The following GRAMD4 variants were observed in gnomAD, a reference collection of about 807,000 sequenced individuals.
The protein encoded by GRAMD4 is GRAM domain containing 4.
A neutral mutation model predicts 83.9 loss-of-function variants in GRAMD4; 25 were observed. The observed-to-expected ratio is 0.30, with a 90% CI of 0.22 to 0.42. The LOEUF (loss-of-function observed/expected upper bound fraction) is 0.42. Among genes scored for constraint, GRAMD4 ranks in the 10% least tolerant of loss-of-function variants. The pLI is 1.00. For missense variants in GRAMD4, 593 were observed against 788.7 expected (o/e 0.75, Z 2.97); for synonymous variants, 336 against 320.9 (o/e 1.05, Z -0.50).
rs977881162 is a variant in GRAMD4, at chr22:46,676,687, G to T, written c.1632+19G>T. The T allele has an allele frequency of 4.5e-6, 7 of 1,545,678 alleles. No individual in the cohort carries two copies. The highest frequency in any genetic ancestry group is 3.9e-5 in the Admixed American group (2 of 50,984). ...CCAGAAAGTAGGTGCCGGGCGGGGG[G>T]CCGCCAAGGGGTTGGTGTGGGCCCA... is the stretch of plus-strand genomic sequence containing the variant. On this transcript the variant is annotated intron_variant, in intron 18 of 18. Transcript: ENST00000406902.
In GRAMD4 at chr22:46,678,392, A is replaced by AC. The variant is rs533467893; in HGVS notation, c.*1148dup. 2.8e-4 allele frequency: 274 copies of AC among 980,800 alleles called. No homozygotes were observed. Among genetic ancestry groups the AC allele is most frequent in the African/African-American group, 2.5e-3 (143 of 57,100 alleles). 60.8% of individuals were successfully genotyped at this position (980,800 alleles called of 1,614,324 possible). On this transcript the variant is annotated 3_prime_UTR_variant, in exon 19 of 19. Transcript: ENST00000406902. ...CTAGCCGGTGCCGGTCCGGGCACAGACCCCCCCAGCCCCCGCCCTGCCCCA... is the reference window on the plus strand; with the variant it reads ...CTAGCCGGTGCCGGTCCGGGCACAGACCCCCCCCAGCCCCCGCCCTGCCCCA...
chr22:46,591,829 T>C (rs1334036792), intron 1 of GRAMD4, among the ~76,000 whole-genome samples: 2 of 45,782 alleles, frequency 4.4e-5, no homozygotes, highest in Non-Finnish European at 8.0e-5. Flanking sequence ...CGAGACTCTG[T>C]CTCAAAAAAA....
downstream of GRAMD4, among the ~76,000 whole-genome samples, chr22:46,682,032 G>T (rs981640065): frequency 3.9e-5 from 6 of 152,208 alleles, no homozygotes; most frequent in Non-Finnish European, 2.9e-5. Flanking sequence ...TGGGAAAGCC[G>T]CCCAGGGAAA....
chr22:46,682,533 A>G (rs2082675988), downstream of GRAMD4: 1 of 686,410 alleles, frequency 1.5e-6, no homozygotes, highest in Non-Finnish European at 1.8e-6. Flanking sequence ...GACTGCGACG[A>G]GGGCGCCCGC....
At chr22:46,629,605 C>T (rs561555636) in intron 2 of GRAMD4, among the ~76,000 whole-genome samples, 57 of 152,308 alleles carry the variant, frequency 3.7e-4, no homozygotes, top group African/African-American at 9.1e-4. Flanking sequence ...GACCTGGGCT[C>T]AGGCACAGAG....
At chr22:46,675,644 C>T in intron 17 of GRAMD4, 92 bp downstream of exon 17, 1 of 852,056 alleles carries the variant, frequency 1.2e-6, no homozygotes, top group Non-Finnish European at 2.0e-6. Context: ...TTCTGCCAGC[C>T]TCTGTCAGCA....
At chr22:46,598,151 C>A (rs775468767) in intron 1 of GRAMD4, among the ~76,000 whole-genome samples, 75 of 151,814 alleles carry the variant, frequency 4.9e-4, no homozygotes, top group Non-Finnish European at 5.7e-4. Context: ...CCAGCTAATT[C>A]TTTTATTTTT....
intron 1 of GRAMD4, among the ~76,000 whole-genome samples, chr22:46,588,359 A>G (rs989586553): frequency 4.6e-5 from 7 of 152,192 alleles, no homozygotes; most frequent in Non-Finnish European, 8.8e-5. Context: ...CCCTCCAGGC[A>G]GCACCACGCA....
At chr22:46,635,845 C>T (rs894971443) in intron 2 of GRAMD4, among the ~76,000 whole-genome samples, 4 of 146,680 alleles carry the variant, frequency 2.7e-5, no homozygotes, top group African/African-American at 1.0e-4. Context: ...CAGGCACGTT[C>T]TCATTCTGTC....
At chr22:46,664,780 C>T (rs995232522) in intron 8 of GRAMD4, among the ~76,000 whole-genome samples, 3 of 152,238 alleles carry the variant, frequency 2.0e-5, no homozygotes, top group South Asian at 2.1e-4. Context: ...AGAGAGGAGG[C>T]GTCCACAGCC....
intron 1 of GRAMD4, among the ~76,000 whole-genome samples, chr22:46,603,568 G>A (rs1486887071): frequency 8.3e-6 from 1 of 119,802 alleles, no homozygotes; most frequent in Non-Finnish European, 1.7e-5. Context: ...CCAGGCTGGA[G>A]TGCAGTGGCG....
chr22:46,617,372 GTTCCCCTGTGTGTGCAGC>G (rs2081517682), upstream of GRAMD4, among the ~76,000 whole-genome samples: 1 of 150,178 alleles, frequency 6.7e-6, no homozygotes, highest in Non-Finnish European at 1.5e-5. Flanking sequence ...ATGTGTGCGG[GTTCCCCTGTGTGTGCAGC>G]TTCCCCTGTG....
chr22:46,620,624 C>T lies in GRAMD4; in HGVS notation c.-50+59C>T. On this transcript the variant is annotated intron_variant, in intron 1 of 18. Coordinates refer to ENST00000406902, the MANE Select transcript of GRAMD4 (RefSeq NM_015124.5). The surrounding 1 kb of genome is among the most constrained non-coding windows in gnomAD (Gnocchi z 4.7). ...GGTAGGGCCCATCTGAGTGGAAGCC[C>T]CAGCCTTGGGAAAAGCTGCTACTCT... The T allele has an allele frequency of 1.5e-6, 1 of 656,736 alleles. No homozygotes were observed. The highest frequency in any genetic ancestry group is 1.9e-6 in the Non-Finnish European group (1 of 528,564). The allele number at this position is 656,736 out of a possible 1,614,324, so 40.7% of individuals were successfully genotyped here. A position where few individuals can be genotyped will look rare whatever the true frequency, so the allele number is the denominator to read the frequency against.
intron 1 of GRAMD4, among the ~76,000 whole-genome samples, chr22:46,590,019 G>A (rs756847002): frequency 7.9e-5 from 12 of 152,308 alleles, no homozygotes; most frequent in Middle Eastern, 6.8e-3. Context: ...TAACTCCCAC[G>A]GCAGTCTTGC....
At chr22:46,619,203 G>A (rs1283885425), upstream of GRAMD4, among the ~76,000 whole-genome samples, 1 of 152,222 alleles carries the variant, frequency 6.6e-6, no homozygotes, top group African/African-American at 2.4e-5. Context: ...GCACGGGCTG[G>A]AAGGGCAGGA....
chr22:46,672,981 C>A lies in GRAMD4; in HGVS notation c.1223C>A (p.Ala408Asp), dbSNP rs1000774518. The change falls in exon 14 of 19, where the codon GCC (alanine) becomes GAC (aspartate). Residue 408 changes from alanine to aspartate, a missense_variant. By Grantham distance (126) the Ala-to-Asp change is moderately radical (BLOSUM62 -2). Transcript: ENST00000406902. This position sits in a 1 kb window ranked among gnomAD's most constrained non-coding sequence, Gnocchi z 4.7. ...CCGCAGCTCAAGGAGCGCTCCAGCG[C>A]CGCAGTCTCACGCAGGGTGAGCCCG... The part of the protein sequence containing the change: ...TDPQLKERSS[A>D]AVSRRLQTTS... 1 of 1,603,402 alleles carries A rather than the reference C, an allele frequency of 6.2e-7. No homozygotes were observed. The highest frequency in any genetic ancestry group is 8.5e-7 in the Non-Finnish European group (1 of 1,178,026).
In GRAMD4 at chr22:46,620,654, G is replaced by C; in HGVS notation, c.-50+89G>C. ...CTTGGGAAAAGCTGCTACTCTCTGGGGCAGTGGTCCCAGCTACCACGTGCT... is the reference window on the plus strand; with the variant it reads ...CTTGGGAAAAGCTGCTACTCTCTGGCGCAGTGGTCCCAGCTACCACGTGCT... On this transcript the variant is annotated intron_variant, in intron 1 of 18. Coordinates refer to ENST00000406902, the MANE Select transcript of GRAMD4 (RefSeq NM_015124.5). The surrounding 1 kb of genome is among the most constrained non-coding windows in gnomAD (Gnocchi z 4.7). The C allele has an allele frequency of 2.7e-6, 1 of 372,818 alleles. No individual in the cohort carries two copies. The highest frequency in any genetic ancestry group is 3.7e-6 in the Non-Finnish European group (1 of 268,792). The allele number at this position is 372,818 out of a possible 1,614,324, so 23.1% of individuals were successfully genotyped here. A position where few individuals can be genotyped will look rare whatever the true frequency, so the allele number is the denominator to read the frequency against.
intron 5 of GRAMD4, among the ~76,000 whole-genome samples, chr22:46,662,704 C>T (rs561796514): frequency 6.6e-6 from 1 of 152,280 alleles, no homozygotes; most frequent in East Asian, 1.9e-4. Flanking sequence ...GCCGAGCAGC[C>T]TGGATGGACA....
chr22:46,647,042 C>T (rs1980664463), intron 3 of GRAMD4, among the ~76,000 whole-genome samples: 1 of 152,118 alleles, frequency 6.6e-6, no homozygotes, highest in Non-Finnish European at 1.5e-5. Context: ...CCCACGGGGC[C>T]CCTCCCACAA....
Sources: gnomAD v4.1 joint callset for allele counts (sites outside exome capture counted in the v4.1 genomes callset) on GRCh38, gnomAD v4.1.1 for gene constraint, Gnocchi (gnomAD v3.1) non-coding constraint, MANE v1.5 for transcripts, NCBI Gene and HGNC (gene_info 2026-07-23, HGNC 2026-07-21) for gene names.